Variants in DCDC1 observed in about 807,000 individuals in gnomAD.
DCDC1 encodes doublecortin domain-containing protein 1.
A neutral mutation model predicts 178.3 loss-of-function variants in DCDC1; 200 were observed. That is an observed-to-expected ratio of 1.12 (90% CI 1.00 to 1.26). The LOEUF is 1.26. Ranked by LOEUF, DCDC1 falls within the 50% of genes most tolerant of loss-of-function variation. The pLI is 0.00. For synonymous variants in DCDC1, 690 were observed against 604.8 expected (o/e 1.14, Z -2.07); for missense variants, 1,983 against 1,749.2 (o/e 1.13, Z -2.38).
rs894413844 is a variant in DCDC1 at position 31,328,210 on chromosome 11, G to A, written c.71C>T (p.Ala24Val). The A allele has an allele frequency of 3.7e-6, 6 of 1,611,912 alleles. No individual in the cohort carries two copies. The highest frequency in any genetic ancestry group is 5.1e-6 in the Non-Finnish European group (6 of 1,178,668). Reference protein sequence around the residue: ...SQSSLSLLTEAMEVLQQSSPE... With the variant: ...SQSSLSLLTEVMEVLQQSSPE... ...GCTACTTTGCTGTAATACTTCCATT[G>A]CTTCAGTCAAGAGGGATAAGGAAGA... Residue 24 changes from alanine to valine, a missense_variant, in exon 3 of 39, where the codon GCA becomes GTA. Ala to Val is a moderately conservative substitution (Grantham distance 64, BLOSUM62 0). Transcript: ENST00000684477.
Position 30,916,862 on chromosome 11 carries a change from CT to C in DCDC1, c.3452+7del. The stretch of plus-strand genomic sequence containing the variant: ...AATCTTTAAGAGGAATCCTTTGCAA[CT>C]TTTTACCTGTGTTTCTTCTGTGGTT... On this transcript the variant is annotated splice_region_variant and intron_variant, in intron 26 of 38. Coordinates refer to ENST00000684477, the MANE Select transcript of DCDC1 (RefSeq NM_001387274.1). 1 of 1,593,372 alleles carries C rather than the reference CT, an allele frequency of 6.3e-7. No homozygotes were observed. Among genetic ancestry groups the C allele is most frequent in the Non-Finnish European group, 8.5e-7 (1 of 1,171,176 alleles).
chr11:30,905,931 C>A (rs550416683), intron 30 of DCDC1, among the ~76,000 whole-genome samples: 1 of 152,264 alleles, frequency 6.6e-6, no homozygotes, highest in East Asian at 1.9e-4. Context: ...AAGATATATT[C>A]CACCTTTTAG....
intron 20 of DCDC1, among the ~76,000 whole-genome samples, chr11:31,001,899 T>C (rs1951600711): frequency 6.6e-6 from 1 of 152,224 alleles, no homozygotes; most frequent in Non-Finnish European, 1.5e-5. Context: ...AGTTCATCCA[T>C]TTGGATGCTG....
rs537766677 is a variant in DCDC1 at position 30,904,674 on chromosome 11, A to C, written c.4308+287T>G. 8 of 410,076 alleles carry C rather than the reference A, an allele frequency of 2.0e-5. No homozygotes were observed. The South Asian group carries it at 2.6e-4, about 14-fold the overall frequency. 25.4% of individuals were successfully genotyped at this position (410,076 alleles called of 1,614,324 possible). On this transcript the variant is annotated intron_variant, in intron 31 of 38. Coordinates refer to ENST00000684477, the MANE Select transcript of DCDC1 (RefSeq NM_001387274.1). ...AGAAAAAGGCATTCAGTCTATCACA[A>C]GAAGGAAGAAAATCCAGTAGCTTTG...
intron 15 of DCDC1, among the ~76,000 whole-genome samples, chr11:31,097,454 A>G (rs1030649507): frequency 1.3e-5 from 2 of 152,240 alleles, no homozygotes; most frequent in Non-Finnish European, 2.9e-5. Context: ...CAATTTGAAT[A>G]ATTTTACACA....
At chr11:31,082,779 C>A (rs1957265644) in intron 17 of DCDC1, among the ~76,000 whole-genome samples, 1 of 152,094 alleles carries the variant, frequency 6.6e-6, no homozygotes, top group Non-Finnish European at 1.5e-5. Flanking sequence ...GGGCTATTAT[C>A]ATGCTTCAGG....
chr11:31,167,453 C>G (rs1966846848), intron 9 of DCDC1, among the ~76,000 whole-genome samples: 2 of 152,048 alleles, frequency 1.3e-5, no homozygotes, highest in Admixed American at 6.6e-5. Context: ...TACTAGTCAG[C>G]AAGCCTTTGG....
At chr11:31,302,278 A>C (rs1165117747) in intron 6 of DCDC1, among the ~76,000 whole-genome samples, 5 of 152,146 alleles carry the variant, frequency 3.3e-5, no homozygotes, top group Admixed American at 6.6e-5. Flanking sequence ...TTATAAAGGA[A>C]CTGAACTCTT....
intron 6 of DCDC1, among the ~76,000 whole-genome samples, chr11:31,301,948 C>A (rs972465880): frequency 6.6e-6 from 1 of 152,042 alleles, no homozygotes; most frequent in South Asian, 2.1e-4. Flanking sequence ...TACGTCTTCA[C>A]AATATTGGAT....
chr11:31,012,103 T>C (rs946008185), intron 20 of DCDC1, among the ~76,000 whole-genome samples: 1 of 152,172 alleles, frequency 6.6e-6, no homozygotes, highest in East Asian at 1.9e-4. Flanking sequence ...TGCGTCTTCC[T>C]CTTCACCTTC....
At chr11:31,259,518 T>G (rs544123312) in intron 8 of DCDC1, among the ~76,000 whole-genome samples, 1 of 152,332 alleles carries the variant, frequency 6.6e-6, no homozygotes, top group East Asian at 1.9e-4. Flanking sequence ...ATACTATAAT[T>G]CCTATCTTAT....
At chr11:31,088,713 G>A (rs1957620520) in intron 17 of DCDC1, among the ~76,000 whole-genome samples, 1 of 151,960 alleles carries the variant, frequency 6.6e-6, no homozygotes, top group African/African-American at 2.4e-5. Context: ...GCACTGTGGG[G>A]TTTTGGGGGT....
At chr11:31,331,814 A>G (rs545775963) in intron 2 of DCDC1, among the ~76,000 whole-genome samples, 13 of 150,014 alleles carry the variant, frequency 8.7e-5, no homozygotes, top group African/African-American at 3.2e-4. Flanking sequence ...ATCAATGTTC[A>G]TCAGGGATAC....
intron 20 of DCDC1, among the ~76,000 whole-genome samples, chr11:30,999,168 A>G (rs1169070261): frequency 6.6e-6 from 1 of 152,210 alleles, no homozygotes; most frequent in Non-Finnish European, 1.5e-5. Flanking sequence ...CAACTACTGA[A>G]GGCAGTGTGG....
At chr11:31,177,862 C>G (rs1216137653) in intron 9 of DCDC1, among the ~76,000 whole-genome samples, 1 of 151,884 alleles carries the variant, frequency 6.6e-6, no homozygotes, top group African/African-American at 2.4e-5. Flanking sequence ...ACTGGAGCCC[C>G]CACATATGTA....
chr11:31,019,582 C>G (rs1340863107), intron 20 of DCDC1, among the ~76,000 whole-genome samples: 1 of 152,008 alleles, frequency 6.6e-6, no homozygotes, highest in Non-Finnish European at 1.5e-5. Flanking sequence ...TTTTAAAATC[C>G]TTTTCTACAT....
At chr11:31,297,815 T>C (rs1947807948) in intron 6 of DCDC1, among the ~76,000 whole-genome samples, 1 of 152,214 alleles carries the variant, frequency 6.6e-6, no homozygotes, top group African/African-American at 2.4e-5. Context: ...ACCATTTGTC[T>C]CTTATCTACC....
At chr11:31,265,379 A>C (rs1945082098) in intron 8 of DCDC1, 128 bp downstream of exon 8, 1 of 404,366 alleles carries the variant, frequency 2.5e-6, no homozygotes, top group Admixed American at 4.7e-5. Flanking sequence ...TTGTATAAGA[A>C]TATTTATCCA....
chr11:31,278,949 A>G (rs1409119645), intron 7 of DCDC1, among the ~76,000 whole-genome samples: 1 of 152,178 alleles, frequency 6.6e-6, no homozygotes, highest in Non-Finnish European at 1.5e-5. Context: ...ATTTCCACGT[A>G]TATTTTAGAA....
Sources: gnomAD v4.1 joint callset for allele counts (sites outside exome capture counted in the v4.1 genomes callset) on GRCh38, gnomAD v4.1.1 for gene constraint, MANE v1.5 for transcripts, NCBI Gene and HGNC (gene_info 2026-07-23, HGNC 2026-07-21) for gene names.